The following ASH2L variants were observed in gnomAD, a reference collection of about 807,000 sequenced individuals.
ASH2L encodes ASH2 like, histone lysine methyltransferase complex subunit, also known as set1/Ash2 histone methyltransferase complex subunit ASH2.
Under a neutral mutation model 81.1 loss-of-function variants are expected in ASH2L, and 30 were observed. That is an observed-to-expected ratio of 0.37 (90% CI 0.28 to 0.50). ASH2L has a LOEUF of 0.50. Among genes scored for constraint, ASH2L ranks in the 20% least tolerant of loss-of-function variants. The pLI is 0.95. For missense variants in ASH2L, 559 were observed against 792.1 expected (o/e 0.71, Z 3.53); for synonymous variants, 273 against 279.9 (o/e 0.98, Z 0.24).
At chr8:38,120,484 G>A (rs946978266) in intron 9 of ASH2L, among the ~76,000 whole-genome samples, 3 of 151,746 alleles carry the variant, frequency 2.0e-5, no homozygotes, top group Non-Finnish European at 4.4e-5. Context: ...ATGGAATCTC[G>A]GCTCACTGCA....
intron 14 of ASH2L, among the ~76,000 whole-genome samples, chr8:38,136,375 GTT>G (rs10674457): frequency 2.1e-5 from 3 of 145,630 alleles, no homozygotes; most frequent in African/African-American, 7.6e-5. Flanking sequence ...CATCTGGCAA[GTT>G]TTTTTTTTTT....
chr8:38,109,697 A>G (rs1026472203), intron 3 of ASH2L, among the ~76,000 whole-genome samples: 1 of 152,064 alleles, frequency 6.6e-6, no homozygotes, highest in South Asian at 2.1e-4. Context: ...TTGGCCTCTC[A>G]AAGTTCTGGA....
chr8:38,119,468 T>C, intron 9 of ASH2L, 105 bp downstream of exon 9: 2 of 987,820 alleles, frequency 2.0e-6, no homozygotes, highest in Non-Finnish European at 2.9e-6. Context: ...TTAAAAAGCC[T>C]GTCCATTTTT....
chr8:38,110,313 A>C, intron 3 of ASH2L, 66 bp from the exon 4 acceptor site: 4 of 1,287,148 alleles, frequency 3.1e-6, no homozygotes, highest in Non-Finnish European at 4.5e-6. Context: ...GCCTGTCTTT[A>C]AAAAAAGAAA....
chr8:38,112,949 A>T (rs1360282358), intron 5 of ASH2L, among the ~76,000 whole-genome samples: 1 of 151,672 alleles, frequency 6.6e-6, no homozygotes, highest in South Asian at 2.1e-4. Flanking sequence ...TCAGTGTGTT[A>T]TAGTCCATTG....
intron 12 of ASH2L, among the ~76,000 whole-genome samples, chr8:38,130,689 C>T (rs1157284379): frequency 1.3e-5 from 2 of 152,072 alleles, no homozygotes; most frequent in Non-Finnish European, 2.9e-5. Context: ...ACCTCCGTCT[C>T]ATGGGTTCAA....
chr8:38,120,288 G>A (rs1182627725), intron 9 of ASH2L, among the ~76,000 whole-genome samples: 2 of 152,180 alleles, frequency 1.3e-5, no homozygotes, highest in Non-Finnish European at 2.9e-5. Flanking sequence ...GAAAGGATAG[G>A]TGGGGAGGGA....
chr8:38,106,604 T>A (rs1810445691), intron 2 of ASH2L, among the ~76,000 whole-genome samples, 160 bp downstream of exon 2: 1 of 150,554 alleles, frequency 6.6e-6, no homozygotes. Context: ...TCCCCCCGGG[T>A]TCCAGCGATT....
At position 38,105,594 on chromosome 8, in the gene ASH2L, G is replaced by A. The variant is rs762110693; in HGVS notation, c.44G>A (p.Gly15Glu). 1.9e-6 allele frequency: 3 copies of A among 1,596,412 alleles called. No homozygotes were observed. The South Asian group carries it at 3.4e-5, about 18-fold the overall frequency. ...GGACCTGGCCAGGAAGCGGGTGCCG[G>A]GCCTGGCCCAGGAGCGGTCGCAAAT... is the stretch of plus-strand genomic sequence containing the variant. ...GAGPGQEAGA[G>E]PGPGAVANAT... Residue 15 changes from glycine (G) to glutamate (E), a missense_variant, in exon 1 of 16, where the codon GGG becomes GAG. Coordinates refer to ENST00000343823, the MANE Select transcript of ASH2L (RefSeq NM_004674.5).
chr8:38,107,944 T>C (rs1460686299), intron 3 of ASH2L, among the ~76,000 whole-genome samples: 1 of 151,476 alleles, frequency 6.6e-6, no homozygotes, highest in Non-Finnish European at 1.5e-5. Flanking sequence ...GTTTTCTTGT[T>C]TTTTTCTTGC....
At chr8:38,106,298 A>G in intron 1 of ASH2L, 80 bp from the exon 2 acceptor site, 1 of 1,467,276 alleles carries the variant, frequency 6.8e-7, no homozygotes, top group East Asian at 2.3e-5. Context: ...TTCGGCTGTA[A>G]TTTGATCATC....
chr8:38,114,332 T>C, intron 6 of ASH2L, 45 bp downstream of exon 6: 2 of 1,233,154 alleles, frequency 1.6e-6, no homozygotes, highest in Admixed American at 2.2e-5. Flanking sequence ...AAAAAACCAT[T>C]GTTTTTTGTA....
At chr8:38,128,493 A>T (rs771607019) in intron 11 of ASH2L, 35 bp downstream of exon 11, 1 of 1,604,588 alleles carries the variant, frequency 6.2e-7, no homozygotes, top group South Asian at 1.1e-5. Context: ...ATCACAGCAG[A>T]TAGAGAGGAT....
intron 6 of ASH2L, 77 bp downstream of exon 6, chr8:38,114,364 A>G: frequency 1.1e-6 from 1 of 903,154 alleles, no homozygotes; most frequent in Non-Finnish European, 1.7e-6. Flanking sequence ...ATATCGTCTC[A>G]TTGTGAAATG....
chr8:38,136,460 A>T (rs1802260677), intron 14 of ASH2L, among the ~76,000 whole-genome samples: 1 of 151,310 alleles, frequency 6.6e-6, no homozygotes, highest in South Asian at 2.1e-4. Flanking sequence ...ATAGGTAGAT[A>T]GGTAGATAGA....
At chr8:38,130,664 T>C (rs755986975) in intron 12 of ASH2L, among the ~76,000 whole-genome samples, 19 of 152,022 alleles carry the variant, frequency 1.2e-4, no homozygotes, top group Non-Finnish European at 2.5e-4. Context: ...AATGGTGCAA[T>C]CTTGGCTCAC....
intron 2 of ASH2L, 67 bp from the exon 3 acceptor site, chr8:38,106,954 A>G: frequency 6.3e-7 from 1 of 1,581,376 alleles, no homozygotes; most frequent in East Asian, 2.3e-5. Context: ...CCCGTCTCTT[A>G]AAAAAATAAA....
intron 5 of ASH2L, among the ~76,000 whole-genome samples, chr8:38,113,872 G>T (rs1178113440): frequency 6.6e-6 from 1 of 152,200 alleles, no homozygotes; most frequent in Non-Finnish European, 1.5e-5. Context: ...GTTCAAGAGA[G>T]AATAATTTGG....
chr8:38,127,917 G>A (rs545431260), intron 10 of ASH2L, among the ~76,000 whole-genome samples: 108 of 151,312 alleles, frequency 7.1e-4, no homozygotes, highest in Non-Finnish European at 1.3e-3. Flanking sequence ...GTGGTGGCAC[G>A]CGCCTGTAAT....
Sources: allele counts gnomAD v4.1 joint callset (sites outside exome capture counted in the v4.1 genomes callset), GRCh38; gene constraint gnomAD v4.1.1; transcripts MANE v1.5; gene names NCBI Gene and HGNC (gene_info 2026-07-23, HGNC 2026-07-21).